ELAVL2: variants seen among roughly 807,000 people sequenced by gnomAD.
ELAVL2 encodes ELAV-like protein 2.
In ELAVL2, 4 loss-of-function variants were observed where a neutral mutation model predicts 34.6. The ratio of observed to expected loss-of-function variants is 0.12; its 90% CI spans 0.06 to 0.26. The LOEUF is 0.26. Among genes scored for constraint, ELAVL2 ranks in the 10% least tolerant of loss-of-function variants. The pLI is 1.00. For missense variants in ELAVL2, 432 were observed against 442.8 expected (o/e 0.98, Z 0.22); for synonymous variants, 193 against 154.8 (o/e 1.25, Z -1.83).
At chr9:23,693,046 G>A (rs2033750104) in intron 6 of ELAVL2, among the ~76,000 whole-genome samples, 162 bp from the exon 7 acceptor site, 2 of 152,174 alleles carry the variant, frequency 1.3e-5, no homozygotes, top group South Asian at 2.1e-4. Context: ...GTCTGTGTGT[G>A]GCTTTGCAGT....
chr9:23,743,468 T>C lies in ELAVL2; in HGVS notation c.230-12343A>G, dbSNP rs142149458. Among the ~76,000 whole-genome samples, 306 of 152,270 alleles carry C rather than the reference T, an allele frequency of 2.0e-3. 1 individual carries two copies. The highest frequency in any genetic ancestry group is 2.7e-3 in the Admixed American group (42 of 15,282). On this transcript the variant is annotated intron_variant, in intron 2 of 6. Transcript: ENST00000397312. ...ATGATTCATTAGGACACAAAAGTAA[T>C]GTGGCACCATCCACATCAGCATGGT...
In ELAVL2 at chr9:23,692,184, A is replaced by C. The variant is rs936570236; in HGVS notation, c.*373T>G. The stretch of plus-strand genomic sequence containing the variant: ...AAGGGGGGAAAAAAAAGACACAACC[A>C]ACTGAAGAATTACAACACAAAGCCT... On this transcript the variant is annotated 3_prime_UTR_variant, in exon 7 of 7. Coordinates refer to ENST00000397312, the MANE Select transcript of ELAVL2 (RefSeq NM_004432.5). 1 of 171,278 alleles carries C rather than the reference A, an allele frequency of 5.8e-6. No individual in the cohort carries two copies. Among genetic ancestry groups the C allele is most frequent in the African/African-American group, 2.4e-5 (1 of 42,008 alleles). The allele number at this position is 171,278 out of a possible 1,614,324, so 10.6% of individuals were successfully genotyped here.
chr9:23,795,468 G>C (rs2060807360), intron 1 of ELAVL2, among the ~76,000 whole-genome samples: 1 of 152,118 alleles, frequency 6.6e-6, no homozygotes, highest in African/African-American at 2.4e-5. Context: ...GCTTGAACCT[G>C]GGAGGCGGAG....
At chr9:23,806,480 T>A (rs1303619480) in intron 1 of ELAVL2, among the ~76,000 whole-genome samples, 3 of 151,870 alleles carry the variant, frequency 2.0e-5, no homozygotes, top group Middle Eastern at 3.2e-3. Context: ...TACAAAAAAA[T>A]TTAAAAATTA....
chr9:23,721,201 T>C (rs2043616385), intron 3 of ELAVL2, among the ~76,000 whole-genome samples: 1 of 152,178 alleles, frequency 6.6e-6, no homozygotes, highest in East Asian at 1.9e-4. Context: ...ATAAAGCCCA[T>C]GAAACTCATC....
chr9:23,699,719 CT>C (rs528429067), intron 5 of ELAVL2, among the ~76,000 whole-genome samples: 60 of 149,556 alleles, frequency 4.0e-4, no homozygotes, highest in Non-Finnish European at 8.0e-4. Context: ...CTTTGTGAGA[CT>C]TCTTTCTCCA....
intron 3 of ELAVL2, among the ~76,000 whole-genome samples, chr9:23,711,455 C>T (rs1448057797): frequency 3.3e-5 from 5 of 152,102 alleles, no homozygotes; most frequent in African/African-American, 1.2e-4. Flanking sequence ...ATTCTTATTC[C>T]TTTATGGTCA....
intron 1 of ELAVL2, among the ~76,000 whole-genome samples, chr9:23,810,591 CTGAT>C (rs1281630685): frequency 6.6e-6 from 1 of 152,080 alleles, no homozygotes; most frequent in East Asian, 1.9e-4. Flanking sequence ...CTTCTTGGAT[CTGAT>C]TTCAGCCACC....
intron 1 of ELAVL2, chr9:23,779,491 A>G (rs895811118): frequency 2.6e-6 from 2 of 784,070 alleles, no homozygotes; most frequent in South Asian, 5.8e-5. Context: ...GCTTCCTTAG[A>G]CTCAGAAACT....
rs2033555072 is a variant in ELAVL2, at chr9:23,692,643, T to C, written c.994A>G (p.Met332Val). 3.1e-6 allele frequency: 5 copies of C among 1,614,198 alleles called. No homozygotes were observed. Among genetic ancestry groups the C allele is most frequent in the Non-Finnish European group, 4.2e-6 (5 of 1,180,008 alleles). ...TATCCATTGAGGCTAGCTATCGCCA[T>C]GGCAGCCTCATCATAGTTTGTCATA... ...VTMTNYDEAA[M>V]AIASLNGYRL... is the part of the protein sequence containing the mutation. Residue 332 changes from methionine to valine, a missense_variant, in exon 7 of 7, where the codon ATG becomes GTG. Physicochemically the swap from Met to Val is conservative, Grantham distance 21. This residue lies in a region of ELAVL2 where 295 missense variants were observed against 306.1 expected (regional missense o/e 0.96). Coordinates refer to ENST00000397312, the MANE Select transcript of ELAVL2 (RefSeq NM_004432.5).
chr9:23,708,194 C>T (rs2039925727), intron 3 of ELAVL2, among the ~76,000 whole-genome samples: 1 of 152,042 alleles, frequency 6.6e-6, no homozygotes, highest in Non-Finnish European at 1.5e-5. Context: ...ACAGGCAGGA[C>T]AGGAGTGATT....
chr9:23,813,734 A>G (rs2063335275), intron 1 of ELAVL2, among the ~76,000 whole-genome samples: 1 of 152,220 alleles, frequency 6.6e-6, no homozygotes, highest in Admixed American at 6.5e-5. Flanking sequence ...TTAAGGAAGG[A>G]GAGACCCAAG....
At chr9:23,800,654 T>A (rs2061467277) in intron 1 of ELAVL2, among the ~76,000 whole-genome samples, 1 of 152,210 alleles carries the variant, frequency 6.6e-6, no homozygotes, top group Non-Finnish European at 1.5e-5. Context: ...GAGTAGAGAA[T>A]CAGTATAGAA....
chr9:23,769,750 C>T (rs2056962248), intron 1 of ELAVL2, among the ~76,000 whole-genome samples: 3 of 152,138 alleles, frequency 2.0e-5, no homozygotes, highest in South Asian at 2.1e-4. Flanking sequence ...AACAGCTGCA[C>T]GCGTCATAAG....
intron 2 of ELAVL2, among the ~76,000 whole-genome samples, chr9:23,742,700 C>A (rs1436841454): frequency 6.6e-6 from 1 of 152,064 alleles, no homozygotes; most frequent in African/African-American, 2.4e-5. Context: ...TTAGCAAAGA[C>A]AAAGGAAGTA....
intron 1 of ELAVL2, among the ~76,000 whole-genome samples, chr9:23,766,173 G>A (rs1377490359): frequency 6.6e-6 from 1 of 152,028 alleles, no homozygotes; most frequent in Non-Finnish European, 1.5e-5. Context: ...CAGTAACGAT[G>A]GATTCCACTT....
At chr9:23,781,833 C>T (rs919076430) in intron 1 of ELAVL2, among the ~76,000 whole-genome samples, 18 of 152,000 alleles carry the variant, frequency 1.2e-4, no homozygotes, top group Admixed American at 2.6e-4. Context: ...AGCCGGCAAC[C>T]GCCACCACGC....
chr9:23,775,345 G>A (rs1428807805), intron 1 of ELAVL2, among the ~76,000 whole-genome samples: 1 of 152,152 alleles, frequency 6.6e-6, no homozygotes, highest in Non-Finnish European at 1.5e-5. Flanking sequence ...ACTCCAGCTT[G>A]GGTGGCAGAG....
At chr9:23,694,548 G>A (rs2034420989) in intron 5 of ELAVL2, among the ~76,000 whole-genome samples, 1 of 152,196 alleles carries the variant, frequency 6.6e-6, no homozygotes. Flanking sequence ...GGGACTGGGG[G>A]TGGGGGTGAG....
Sources: allele counts gnomAD v4.1 joint callset (sites outside exome capture counted in the v4.1 genomes callset), GRCh38; gene constraint gnomAD v4.1.1; regional missense constraint gnomAD v4.1.1; transcripts MANE v1.5; gene names NCBI Gene and HGNC (gene_info 2026-07-23, HGNC 2026-07-21).